Variants in LRRK1 observed in about 807,000 individuals in gnomAD.
The protein encoded by LRRK1 is leucine rich repeat kinase 1.
LRRK1 carries 113 observed loss-of-function variants against 209.1 expected under a neutral mutation model. That is an observed-to-expected ratio of 0.54 (90% CI 0.46 to 0.63). The LOEUF (loss-of-function observed/expected upper bound fraction) is 0.63, where lower values mean the gene tolerates loss of function less well. Among genes scored for constraint, LRRK1 ranks in the 30% least tolerant of loss-of-function variants. LRRK1 has a pLI of 0.00. For synonymous variants in LRRK1, 1,144 were observed against 1,099.7 expected (o/e 1.04, Z -0.80); for missense variants, 2,284 against 2,632.2 (o/e 0.87, Z 2.89).
chr15:101,066,771 C>T (rs1345648466), intron 33 of LRRK1, 30 bp downstream of exon 33: 6 of 1,567,560 alleles, frequency 3.8e-6, no homozygotes, highest in Non-Finnish European at 3.5e-6. Flanking sequence ...CCTTTAGGAC[C>T]CAGGCAGCAG....
intron 30 of LRRK1, among the ~76,000 whole-genome samples, chr15:101,061,948 CA>C (rs1377421371): frequency 6.6e-6 from 1 of 152,194 alleles, no homozygotes; most frequent in Non-Finnish European, 1.5e-5. Context: ...GTGGAGGTTG[CA>C]ATGAGCCAAG....
chr15:100,980,240 C>G (rs893391627), intron 3 of LRRK1, among the ~76,000 whole-genome samples: 2 of 151,920 alleles, frequency 1.3e-5, no homozygotes, highest in Non-Finnish European at 2.9e-5. Flanking sequence ...AAGGAGCTCT[C>G]CTGAAACACG....
rs2036843226 is a variant in LRRK1, at chr15:101,072,583, T to C, written c.*3735T>C. The C allele has an allele frequency of 6.5e-6, 1 of 153,314 alleles. No individual in the cohort carries two copies. Among genetic ancestry groups the C allele is most frequent in the African/African-American group, 2.4e-5 (1 of 41,430 alleles). 9.5% of individuals were successfully genotyped at this position (153,314 alleles called of 1,614,324 possible). ...AGTAACTGAAGAATCACAAAAGAAG[T>C]GAATATGCCCTGCCCCGCCTTAACT... On this transcript the variant is annotated 3_prime_UTR_variant, in exon 34 of 34. Coordinates refer to ENST00000388948, the MANE Select transcript of LRRK1 (RefSeq NM_024652.6).
chr15:101,024,496 C>G lies in LRRK1; in HGVS notation c.2068-307C>G, dbSNP rs1038917667. Reference sequence around the variant, plus strand: ...CCGTGACATCAGAGCACAGCTTCCTCCCACAGGGCATCCCCTACCCATCTG... The same window carrying G: ...CCGTGACATCAGAGCACAGCTTCCTGCCACAGGGCATCCCCTACCCATCTG... On this transcript the variant is annotated intron_variant, in intron 15 of 33. Coordinates refer to ENST00000388948, the MANE Select transcript of LRRK1 (RefSeq NM_024652.6). This position sits in a 1 kb window ranked among gnomAD's most constrained non-coding sequence, Gnocchi z 4.6. Among the ~76,000 whole-genome samples the G allele has an allele frequency of 2.0e-5, 3 of 152,190 alleles. No homozygotes were observed. Among genetic ancestry groups the G allele is most frequent in the Admixed American group, 2.0e-4 (3 of 15,276 alleles).
At chr15:100,920,573 G>C (rs927878832) in intron 1 of LRRK1, among the ~76,000 whole-genome samples, 1 of 152,026 alleles carries the variant, frequency 6.6e-6, no homozygotes, top group Non-Finnish European at 1.5e-5. Flanking sequence ...CAGTCAACTC[G>C]GATCCTCAGA....
chr15:100,952,471 TA>T (rs1420829264), intron 2 of LRRK1, among the ~76,000 whole-genome samples: 1 of 152,250 alleles, frequency 6.6e-6, no homozygotes, highest in Non-Finnish European at 1.5e-5. Context: ...TACATCGTTT[TA>T]TTTTTTTACA....
intron 2 of LRRK1, among the ~76,000 whole-genome samples, chr15:100,951,055 G>A (rs535973625): frequency 9.2e-5 from 14 of 152,278 alleles, no homozygotes; most frequent in Admixed American, 3.9e-4. Flanking sequence ...GGGAGCAGAG[G>A]TTGCGCCACC....
intron 6 of LRRK1, among the ~76,000 whole-genome samples, chr15:101,003,511 A>C (rs941739354): frequency 9.8e-5 from 15 of 152,356 alleles, no homozygotes; most frequent in African/African-American, 3.6e-4. Context: ...ACAGTTCCAC[A>C]TGGCTGGGGA....
intron 20 of LRRK1, among the ~76,000 whole-genome samples, chr15:101,035,663 T>C (rs1406028790): frequency 6.6e-6 from 1 of 152,180 alleles, no homozygotes; most frequent in Non-Finnish European, 1.5e-5. Flanking sequence ...CAATTATTAA[T>C]ATGTGAGGTT....
intron 2 of LRRK1, among the ~76,000 whole-genome samples, chr15:100,940,893 TA>T (rs1466476276): frequency 6.6e-6 from 1 of 152,178 alleles, no homozygotes; most frequent in African/African-American, 2.4e-5. Context: ...CCCCGAACAG[TA>T]ATGTGAGGAT....
At chr15:101,037,458 C>T (rs1482203115) in intron 20 of LRRK1, among the ~76,000 whole-genome samples, 1 of 152,146 alleles carries the variant, frequency 6.6e-6, no homozygotes, top group Non-Finnish European at 1.5e-5. Context: ...GAAGCCAGGT[C>T]AGGTGGGCTT....
intron 20 of LRRK1, among the ~76,000 whole-genome samples, chr15:101,040,635 T>C (rs911164087): frequency 2.0e-5 from 3 of 152,242 alleles, no homozygotes; most frequent in Non-Finnish European, 4.4e-5. Context: ...TTTCCTATTT[T>C]CTATGTAAGC....
intron 11 of LRRK1, among the ~76,000 whole-genome samples, chr15:101,014,958 A>G (rs1448723574): frequency 6.6e-6 from 1 of 152,212 alleles, no homozygotes; most frequent in Non-Finnish European, 1.5e-5. Flanking sequence ...ATTCTGTTCA[A>G]AAGTCTCTGC....
chr15:100,968,447 T>C (rs4965746), intron 2 of LRRK1, among the ~76,000 whole-genome samples: 105,757 of 152,010 alleles, frequency 0.7, 37,189 homozygotes, highest in Middle Eastern at 0.76. Flanking sequence ...TTTTGCACTC[T>C]AGCCAGTAAG....
intron 2 of LRRK1, among the ~76,000 whole-genome samples, chr15:100,971,714 T>C (rs2039387088): frequency 6.6e-6 from 1 of 152,186 alleles, no homozygotes; most frequent in African/African-American, 2.4e-5. Context: ...CTATCAAACA[T>C]TGAATTTATT....
At chr15:100,998,190 A>G (rs1035163440) in intron 6 of LRRK1, among the ~76,000 whole-genome samples, 2 of 152,002 alleles carry the variant, frequency 1.3e-5, no homozygotes, top group African/African-American at 4.8e-5. Flanking sequence ...AAAAAAAAAA[A>G]AAAAAAGAAA....
intron 8 of LRRK1, 26 bp downstream of exon 8, chr15:101,010,603 A>T: frequency 6.2e-7 from 1 of 1,605,400 alleles, no homozygotes; most frequent in Non-Finnish European, 8.5e-7. Context: ...AACTTGAGTG[A>T]ATTAGTCATT....
intron 20 of LRRK1, among the ~76,000 whole-genome samples, chr15:101,029,897 G>A (rs2034208162): frequency 1.3e-5 from 2 of 152,152 alleles, no homozygotes; most frequent in Admixed American, 6.5e-5. Context: ...AAGAATGAGC[G>A]ACTAGGATGT....
chr15:100,984,334 A>T (rs1248335018), intron 4 of LRRK1, among the ~76,000 whole-genome samples: 1 of 152,228 alleles, frequency 6.6e-6, no homozygotes, highest in African/African-American at 2.4e-5. Context: ...ACTAAAGTCC[A>T]TCGCTTACGT....
Sources: gnomAD v4.1 joint callset for allele counts (sites outside exome capture counted in the v4.1 genomes callset) on GRCh38, gnomAD v4.1.1 for gene constraint, Gnocchi (gnomAD v3.1) non-coding constraint, MANE v1.5 for transcripts, NCBI Gene and HGNC (gene_info 2026-07-23, HGNC 2026-07-21) for gene names.